RHOQ: variants seen among roughly 807,000 people sequenced by gnomAD.
The protein encoded by RHOQ is rho-related GTP-binding protein RhoQ.
In RHOQ, 7 loss-of-function variants were observed where a neutral mutation model predicts 25.8. That is an observed-to-expected ratio of 0.27 (90% CI 0.15 to 0.51). The LOEUF (loss-of-function observed/expected upper bound fraction) is 0.51, where lower values mean the gene tolerates loss of function less well. Ranked by LOEUF, RHOQ falls within the 20% of genes least tolerant of loss-of-function variation. RHOQ has a pLI of 0.97. For missense variants in RHOQ, 165 were observed against 260.6 expected, an observed-to-expected ratio of 0.63 and a Z score of 2.53; for synonymous variants, 97 against 98.6, an observed-to-expected ratio of 0.98 and a Z score of 0.10.
chr2:46,545,934 A>T lies in RHOQ; in HGVS notation c.201+2122A>T, dbSNP rs368041648. Among the ~76,000 whole-genome samples the T allele has an allele frequency of 2.6e-5, 4 of 152,300 alleles. 1 individual carries two copies. In the South Asian group the frequency reaches 8.3e-4, roughly 32 times the overall value. On this transcript the variant is annotated intron_variant, in intron 2 of 4. Coordinates refer to ENST00000238738, the MANE Select transcript of RHOQ (RefSeq NM_012249.4). Reference sequence around the variant, plus strand: ...GAGGATCATAAGATATAGACCAAGCAGGATGAACATATTAGTAAGGCTCAA... The same window carrying T: ...GAGGATCATAAGATATAGACCAAGCTGGATGAACATATTAGTAAGGCTCAA...
chr2:46,573,355 C>T (rs981944890), intron 2 of RHOQ, among the ~76,000 whole-genome samples: 2 of 152,184 alleles, frequency 1.3e-5, no homozygotes, highest in Admixed American at 6.5e-5. Flanking sequence ...CCATCATGCC[C>T]GGCCACTAAC....
chr2:46,581,512 C>G lies in RHOQ; in HGVS notation c.*429C>G. 1 of 1,611,326 alleles carries G rather than the reference C, an allele frequency of 6.2e-7. No individual in the cohort carries two copies. The highest frequency in any genetic ancestry group is 8.5e-7 in the Non-Finnish European group (1 of 1,179,538). On this transcript the variant is annotated 3_prime_UTR_variant, in exon 5 of 5. Transcript: ENST00000238738. ...CTTGTATGTAAGTTGCTTTCTATTC[C>G]AGTATATCCAGAGTGGTGAAATAAC...
intron 2 of RHOQ, among the ~76,000 whole-genome samples, chr2:46,550,764 T>C (rs758976916): frequency 1.3e-5 from 2 of 152,234 alleles, no homozygotes; most frequent in African/African-American, 4.8e-5. Context: ...GTCGTTACCC[T>C]GTAGGGCTTG....
intron 2 of RHOQ, among the ~76,000 whole-genome samples, chr2:46,545,561 G>A (rs1029320474): frequency 6.6e-6 from 1 of 152,162 alleles, no homozygotes; most frequent in Admixed American, 6.5e-5. Context: ...GAGATAGGTG[G>A]TATTTCATCT....
chr2:46,574,296 G>C (rs1669033337), intron 2 of RHOQ, among the ~76,000 whole-genome samples: 1 of 151,460 alleles, frequency 6.6e-6, no homozygotes, highest in African/African-American at 2.4e-5. Flanking sequence ...GCTCAGAAGT[G>C]TGGAGTTGCT....
Position 46,548,762 on chromosome 2 carries a change from AT to A in RHOQ, c.201+4953del, listed in dbSNP as rs1409005576. Among the ~76,000 whole-genome samples, 1 of 151,852 alleles carries A rather than the reference AT, an allele frequency of 6.6e-6. No individual in the cohort carries two copies. Among genetic ancestry groups the A allele is most frequent in the Non-Finnish European group, 1.5e-5 (1 of 68,002 alleles). ...GGTTTCCCTTAGTAACCTACTGTAG[AT>A]TTGTCATGTGTGCATTTTGCTAACC... On this transcript the variant is annotated intron_variant, in intron 2 of 4. Transcript: ENST00000238738. This position sits in a 1 kb window ranked among gnomAD's most constrained non-coding sequence, Gnocchi z 5.2.
chr2:46,561,273 C>T (rs1003764139), intron 2 of RHOQ, among the ~76,000 whole-genome samples: 2 of 151,738 alleles, frequency 1.3e-5, no homozygotes, highest in African/African-American at 2.4e-5. Context: ...AGGGGAGGGT[C>T]TGGACAGTTT....
intron 2 of RHOQ, among the ~76,000 whole-genome samples, chr2:46,550,806 G>C (rs1668217680): frequency 6.6e-6 from 1 of 152,184 alleles, no homozygotes; most frequent in Admixed American, 6.5e-5. Flanking sequence ...GCTAGCTCTG[G>C]GGGCTTCACA....
At chr2:46,547,168 G>A (rs1314788993) in intron 2 of RHOQ, among the ~76,000 whole-genome samples, 3 of 152,200 alleles carry the variant, frequency 2.0e-5, no homozygotes, top group Admixed American at 6.5e-5. Context: ...GGCACTACAG[G>A]TCAGTTGCCT....
chr2:46,543,916 T>C (rs1310148006), intron 2 of RHOQ, 104 bp downstream of exon 2: 1 of 885,220 alleles, frequency 1.1e-6, no homozygotes, highest in Non-Finnish European at 1.8e-6. Flanking sequence ...AGGGTGTGTC[T>C]GCGACGGGCT....
intron 2 of RHOQ, among the ~76,000 whole-genome samples, chr2:46,550,661 C>T (rs563678312): frequency 1.2e-4 from 19 of 152,338 alleles, no homozygotes; most frequent in African/African-American, 4.1e-4. Flanking sequence ...ATCGGCCAGC[C>T]GGCTCACTTC....
At chr2:46,563,861 C>T (rs1382701674) in intron 2 of RHOQ, among the ~76,000 whole-genome samples, 2 of 151,920 alleles carry the variant, frequency 1.3e-5, no homozygotes, top group Non-Finnish European at 2.9e-5. Flanking sequence ...CTATGTTGCC[C>T]AGGCTGGTCT....
At chr2:46,554,359 G>A (rs577054141) in intron 2 of RHOQ, among the ~76,000 whole-genome samples, 1 of 152,308 alleles carries the variant, frequency 6.6e-6, no homozygotes, top group South Asian at 2.1e-4. Flanking sequence ...CTCCATTAGT[G>A]TGCTATGTGG....
intron 4 of RHOQ, among the ~76,000 whole-genome samples, chr2:46,579,814 C>T (rs1669280011): frequency 6.6e-6 from 1 of 150,666 alleles, no homozygotes; most frequent in East Asian, 2.0e-4. Context: ...CATAGTACTC[C>T]AGCCTGGGCA....
chr2:46,570,225 G>T (rs1668867688), intron 2 of RHOQ, among the ~76,000 whole-genome samples: 1 of 152,162 alleles, frequency 6.6e-6, no homozygotes, highest in Non-Finnish European at 1.5e-5. Context: ...CGGATCACAG[G>T]GTCAAGAGAT....
intron 4 of RHOQ, chr2:46,580,017 G>C (rs920566057): frequency 6.6e-6 from 1 of 152,322 alleles, no homozygotes; most frequent in African/African-American, 2.4e-5. Context: ...TGCTTTACTG[G>C]AATAGCTTCC....
chr2:46,570,850 T>C (rs1668891241), intron 2 of RHOQ, among the ~76,000 whole-genome samples: 1 of 152,252 alleles, frequency 6.6e-6, no homozygotes, highest in Admixed American at 6.5e-5. Flanking sequence ...CCCCTTGTTC[T>C]AGGTTGTTTC....
At chr2:46,567,267 A>G (rs1370333511) in intron 2 of RHOQ, among the ~76,000 whole-genome samples, 1 of 152,264 alleles carries the variant, frequency 6.6e-6, no homozygotes, top group Non-Finnish European at 1.5e-5. Flanking sequence ...CGAATGCAAC[A>G]GTTACAAATA....
At chr2:46,559,127 G>T (rs1430866105) in intron 2 of RHOQ, among the ~76,000 whole-genome samples, 1 of 151,868 alleles carries the variant, frequency 6.6e-6, no homozygotes, top group East Asian at 1.9e-4. Flanking sequence ...CTAGTTTTTT[G>T]TTTGTTTGTT....
Sources: allele counts gnomAD v4.1 joint callset (sites outside exome capture counted in the v4.1 genomes callset), GRCh38; gene constraint gnomAD v4.1.1; non-coding constraint Gnocchi (gnomAD v3.1); transcripts MANE v1.5; gene names NCBI Gene and HGNC (gene_info 2026-07-23, HGNC 2026-07-21).